The following SORT1 variants were observed in gnomAD, a reference collection of about 807,000 sequenced individuals.
The protein encoded by SORT1 is sortilin.
SORT1 carries 39 observed loss-of-function variants against 101.7 expected under a neutral mutation model. The ratio of observed to expected loss-of-function variants is 0.38; its 90% CI spans 0.30 to 0.50. The LOEUF is 0.50. Among genes scored for constraint, SORT1 ranks in the 20% least tolerant of loss-of-function variants. SORT1 has a pLI of 0.90. For synonymous variants in SORT1, 396 were observed against 393.7 expected (o/e 1.01, Z -0.07); for missense variants, 878 against 1,040.4 (o/e 0.84, Z 2.15).
chr1:109,357,131 C>A (rs1650377607), intron 3 of SORT1, among the ~76,000 whole-genome samples: 1 of 152,194 alleles, frequency 6.6e-6, no homozygotes, highest in Non-Finnish European at 1.5e-5. Flanking sequence ...TGTGTTACAG[C>A]TGCCTACAGT....
At chr1:109,333,210 G>A (rs1285652757) in intron 11 of SORT1, among the ~76,000 whole-genome samples, 5 of 152,106 alleles carry the variant, frequency 3.3e-5, no homozygotes, top group African/African-American at 1.2e-4. Flanking sequence ...ACAGGCGTGA[G>A]CCACCACACC....
intron 1 of SORT1, among the ~76,000 whole-genome samples, chr1:109,386,248 G>C (rs1257111621): frequency 5.9e-5 from 9 of 152,186 alleles, no homozygotes; most frequent in Non-Finnish European, 1.0e-4. Flanking sequence ...GGAGGCAAAA[G>C]TGATGAAGGA....
intron 1 of SORT1, among the ~76,000 whole-genome samples, chr1:109,374,524 G>T (rs1651695967): frequency 6.6e-6 from 1 of 152,052 alleles, no homozygotes; most frequent in Non-Finnish European, 1.5e-5. Context: ...CCAGGAGGCA[G>T]AGGTTGCAGT....
intron 3 of SORT1, among the ~76,000 whole-genome samples, chr1:109,360,215 A>G (rs1012465913): frequency 6.6e-6 from 1 of 152,176 alleles, no homozygotes; most frequent in Non-Finnish European, 1.5e-5. Flanking sequence ...TCCAGCCTGT[A>G]GTCCCAGCCA....
intron 15 of SORT1, among the ~76,000 whole-genome samples, chr1:109,320,792 C>T (rs1318607063): frequency 6.6e-6 from 1 of 152,144 alleles, no homozygotes; most frequent in Non-Finnish European, 1.5e-5. Flanking sequence ...TATATGGATG[C>T]TGCTTGTATT....
At chr1:109,317,183 T>C (rs984382650) in intron 16 of SORT1, among the ~76,000 whole-genome samples, 2 of 152,160 alleles carry the variant, frequency 1.3e-5, no homozygotes, top group Admixed American at 6.5e-5. Flanking sequence ...GAAACATGCC[T>C]GTTCTTTCTA....
At chr1:109,385,536 A>G (rs1652520043) in intron 1 of SORT1, among the ~76,000 whole-genome samples, 1 of 152,208 alleles carries the variant, frequency 6.6e-6, no homozygotes, top group African/African-American at 2.4e-5. Flanking sequence ...TAAAGAAAAG[A>G]AAGTGACAGA....
Position 109,369,966 on chromosome 1 carries a change from G to C in SORT1, c.307-377C>G, listed in dbSNP as rs114153360. Reference sequence around the variant, plus strand: ...ATAGCCCACACTGGCAGGCGTAATTGTAACCAAATCAACATAATTTAAATT... The same window carrying C: ...ATAGCCCACACTGGCAGGCGTAATTCTAACCAAATCAACATAATTTAAATT... On this transcript the variant is annotated intron_variant, in intron 1 of 19. Transcript: ENST00000256637. Among the ~76,000 whole-genome samples, 1,351 of 152,280 alleles carry C rather than the reference G, an allele frequency of 8.9e-3. 26 individuals are homozygous for C. The highest frequency in any genetic ancestry group is 0.031 in the African/African-American group (1,290 of 41,548).
intron 15 of SORT1, among the ~76,000 whole-genome samples, chr1:109,318,578 G>A (rs1233359992): frequency 1.3e-5 from 2 of 152,202 alleles, no homozygotes; most frequent in East Asian, 1.9e-4. Context: ...GCCTGCAGAG[G>A]GGTGGAGACT....
intron 1 of SORT1, among the ~76,000 whole-genome samples, chr1:109,378,605 T>C (rs1454954607): frequency 6.7e-6 from 1 of 149,762 alleles, no homozygotes; most frequent in Non-Finnish European, 1.5e-5. Flanking sequence ...GACACAGTAT[T>C]ACCGAAGAAT....
chr1:109,319,866 CAA>C (rs574333925), intron 15 of SORT1, among the ~76,000 whole-genome samples: 15 of 107,258 alleles, frequency 1.4e-4, no homozygotes, highest in Non-Finnish European at 1.3e-4. Flanking sequence ...GACTCCGTCT[CAA>C]AAAAAAAAAA....
At chr1:109,338,650 T>C (rs757968781) in intron 10 of SORT1, among the ~76,000 whole-genome samples, 4 of 152,188 alleles carry the variant, frequency 2.6e-5, no homozygotes, top group Non-Finnish European at 5.9e-5. Context: ...TCTCCCAATA[T>C]AGAAGACTCA....
chr1:109,347,413 T>G (rs1422019413), intron 7 of SORT1, 70 bp downstream of exon 7: 5 of 1,071,302 alleles, frequency 4.7e-6, no homozygotes, highest in Non-Finnish European at 7.2e-6. Context: ...GTTTCTACCT[T>G]GCACAACCCA....
At chr1:109,350,507 C>T (rs1320427197) in intron 6 of SORT1, among the ~76,000 whole-genome samples, 1 of 152,222 alleles carries the variant, frequency 6.6e-6, no homozygotes, top group Admixed American at 6.5e-5. Context: ...TCTGGAAGCT[C>T]TTTCAGCTTT....
chr1:109,397,886 G>T lies in SORT1; in HGVS notation c.7C>A (p.Arg3=), dbSNP rs1312620348. ...AGGCCGTCCGCAGCTCCCCAGGGCC[G>T]CTCCATCGCCGCCGAATGCCGCCGA... is the stretch of plus-strand genomic sequence containing the variant. ME[R]PWGAADGLSR... The change falls in exon 1 of 20, where the codon CGG becomes AGG. Residue 3 remains arginine, a synonymous_variant. Transcript: ENST00000256637. 2 of 1,171,588 alleles carry T rather than the reference G, an allele frequency of 1.7e-6. No homozygotes were observed. The highest frequency in any genetic ancestry group is 3.5e-5 in the South Asian group (1 of 28,828). 72.6% of individuals were successfully genotyped at this position (1,171,588 alleles called of 1,614,324 possible). A position where few individuals can be genotyped will look rare whatever the true frequency, so the allele number is the denominator to read the frequency against.
intron 1 of SORT1, among the ~76,000 whole-genome samples, chr1:109,395,060 C>T (rs1156863802): frequency 6.6e-6 from 1 of 150,740 alleles, no homozygotes; most frequent in African/African-American, 2.4e-5. Flanking sequence ...CAGGCTACTA[C>T]ATAACAATTC....
At chr1:109,335,102 T>C (rs1226875110) in intron 11 of SORT1, among the ~76,000 whole-genome samples, 2 of 152,142 alleles carry the variant, frequency 1.3e-5, no homozygotes, top group Admixed American at 1.3e-4. Flanking sequence ...CCAGGAATAG[T>C]GTGGGTGTTC....
chr1:109,369,421 G>A, intron 2 of SORT1, 109 bp downstream of exon 2: 1 of 721,626 alleles, frequency 1.4e-6, no homozygotes, highest in Admixed American at 2.1e-5. Flanking sequence ...TTCTGTGATT[G>A]AGGCTAAAGA....
chr1:109,330,685 GTTGT>G lies in SORT1; in HGVS notation c.1372-3088_1372-3085del, dbSNP rs1164031388. ...ACAGGAAAGATCAATGAAACTTAGA[GTTGT>G]TTTTTTTGACAAGATAAAAAAGTGA... On this transcript the variant is annotated intron_variant, in intron 11 of 19. Transcript: ENST00000256637. 3.3e-5 allele frequency among the ~76,000 whole-genome samples: 5 copies of G among 151,888 alleles called. No individual in the cohort carries two copies. The East Asian group carries it at 9.7e-4, about 29-fold the overall frequency.
Sources: allele counts gnomAD v4.1 joint callset (sites outside exome capture counted in the v4.1 genomes callset), GRCh38; gene constraint gnomAD v4.1.1; transcripts MANE v1.5; gene names NCBI Gene and HGNC (gene_info 2026-07-23, HGNC 2026-07-21).